Variants in KCND3 observed in about 807,000 individuals in gnomAD.
KCND3 encodes the protein A-type voltage-gated potassium channel KCND3.
A neutral mutation model predicts 51.1 loss-of-function variants in KCND3; 9 were observed. The observed-to-expected ratio is 0.18, with a 90% confidence interval of 0.11 to 0.31. The LOEUF is 0.31. KCND3 is among the 10% of genes least tolerant of loss of function. The pLI is 1.00. For synonymous variants in KCND3, 349 were observed against 368.0 expected, an observed-to-expected ratio of 0.95 and a Z score of 0.59; for missense variants, 526 against 903.8, an observed-to-expected ratio of 0.58 and a Z score of 5.36.
At chr1:111,904,343 C>G (rs1161453293) in intron 2 of KCND3, among the ~76,000 whole-genome samples, 1 of 152,124 alleles carries the variant, frequency 6.6e-6, no homozygotes, top group Non-Finnish European at 1.5e-5. Flanking sequence ...TCCACTGTCC[C>G]CAAGGCCTAT....
At position 111,982,833 on chromosome 1, in the gene KCND3, G is replaced by A. The variant is rs1675041502; in HGVS notation, c.-72-35C>T. ...AGGAGGGGAGAGAGAGAAGCGGTGA[G>A]TCCATATCGACTGGCAGGTAAGAAA... On this transcript the variant is annotated intron_variant, in intron 1 of 7. Coordinates refer to ENST00000302127, the MANE Select transcript of KCND3 (RefSeq NM_001378969.1). The surrounding 1 kb of genome is among the most constrained non-coding windows in gnomAD (Gnocchi z 8.5). 2.8e-6 allele frequency: 4 copies of A among 1,452,008 alleles called. No homozygotes were observed. The highest frequency in any genetic ancestry group is 3.7e-6 in the Non-Finnish European group (4 of 1,073,600). The allele number at this position is 1,452,008 out of a possible 1,614,324, so 89.9% of individuals were successfully genotyped here.
chr1:111,869,343 C>T (rs972709641), intron 2 of KCND3, among the ~76,000 whole-genome samples: 1 of 152,160 alleles, frequency 6.6e-6, no homozygotes, highest in East Asian at 1.9e-4. Context: ...TAGATATGAG[C>T]TTCCTCCTCA....
At chr1:111,849,216 C>T (rs1400461353) in intron 2 of KCND3, among the ~76,000 whole-genome samples, 1 of 152,206 alleles carries the variant, frequency 6.6e-6, no homozygotes, top group Non-Finnish European at 1.5e-5. Flanking sequence ...TACAATACCA[C>T]CAAAAACTCC....
chr1:111,886,780 A>G (rs1669589660), intron 2 of KCND3, among the ~76,000 whole-genome samples: 1 of 152,258 alleles, frequency 6.6e-6, no homozygotes, highest in Non-Finnish European at 1.5e-5. Context: ...ACAGAGGTTA[A>G]GCAAACATGC....
chr1:111,841,917 T>C (rs1667337136), intron 2 of KCND3, among the ~76,000 whole-genome samples: 1 of 152,240 alleles, frequency 6.6e-6, no homozygotes, highest in Non-Finnish European at 1.5e-5. Context: ...CAAGCGGCCC[T>C]GGGAGTACAG....
chr1:111,847,946 T>C (rs758370774), intron 2 of KCND3, among the ~76,000 whole-genome samples: 2 of 152,194 alleles, frequency 1.3e-5, no homozygotes, highest in African/African-American at 2.4e-5. Flanking sequence ...TGAGCTCCCA[T>C]GACAGCACCT....
intron 2 of KCND3, among the ~76,000 whole-genome samples, chr1:111,854,421 C>T (rs1022489281): frequency 2.0e-5 from 3 of 152,116 alleles, no homozygotes; most frequent in African/African-American, 7.2e-5. Context: ...TGGGCTACGA[C>T]CATCTCTTCT....
At chr1:111,808,819 T>C (rs1571671805) in intron 2 of KCND3, among the ~76,000 whole-genome samples, 1 of 152,362 alleles carries the variant, frequency 6.6e-6, no homozygotes, top group South Asian at 2.1e-4. Flanking sequence ...TAAATACTTG[T>C]GCTCTGCAGC....
chr1:111,853,155 G>A (rs1373525994), intron 2 of KCND3, among the ~76,000 whole-genome samples: 1 of 152,240 alleles, frequency 6.6e-6, no homozygotes, highest in African/African-American at 2.4e-5. Flanking sequence ...AGGCTGTGCA[G>A]ACAGGGTGAG....
chr1:111,871,837 A>C (rs761680796), intron 2 of KCND3, among the ~76,000 whole-genome samples: 2 of 152,180 alleles, frequency 1.3e-5, no homozygotes, highest in Non-Finnish European at 2.9e-5. Flanking sequence ...GGAAGACAGC[A>C]GGAGGAGAGA....
chr1:111,803,602 T>C (rs1019039852), intron 2 of KCND3, among the ~76,000 whole-genome samples: 4 of 152,182 alleles, frequency 2.6e-5, no homozygotes, highest in African/African-American at 9.7e-5. Flanking sequence ...AGGTCGGAGA[T>C]GGTGCTCCAT....
At chr1:111,847,889 T>C (rs1479638303) in intron 2 of KCND3, among the ~76,000 whole-genome samples, 1 of 152,116 alleles carries the variant, frequency 6.6e-6, no homozygotes, top group African/African-American at 2.4e-5. Context: ...GTCACATCAT[T>C]TGCCCCAGGT....
At chr1:111,839,019 G>A (rs962721652) in intron 2 of KCND3, among the ~76,000 whole-genome samples, 1 of 152,162 alleles carries the variant, frequency 6.6e-6, no homozygotes, top group African/African-American at 2.4e-5. Context: ...GTGAGCCCCT[G>A]CTGGCTCCTG....
intron 2 of KCND3, among the ~76,000 whole-genome samples, chr1:111,932,758 G>A (rs1672039699): frequency 6.6e-6 from 1 of 152,198 alleles, no homozygotes; most frequent in Admixed American, 6.5e-5. Flanking sequence ...AGCTGGCCCT[G>A]CAGGAAGTCC....
chr1:111,972,095 T>C (rs1674357415), intron 2 of KCND3, among the ~76,000 whole-genome samples: 1 of 151,914 alleles, frequency 6.6e-6, no homozygotes, highest in African/African-American at 2.4e-5. Flanking sequence ...CTTAGCCTAA[T>C]ATTTTAGGCT....
chr1:111,790,480 C>CT (rs796668133), intron 2 of KCND3, among the ~76,000 whole-genome samples: 4 of 152,292 alleles, frequency 2.6e-5, no homozygotes, highest in African/African-American at 9.6e-5. Flanking sequence ...CCAATGCCCA[C>CT]TTGCCACAGC....
intron 2 of KCND3, among the ~76,000 whole-genome samples, chr1:111,969,686 C>T (rs1674215816): frequency 6.6e-6 from 1 of 152,194 alleles, no homozygotes; most frequent in South Asian, 2.1e-4. Context: ...TAATGACAGT[C>T]ATCTCACATG....
intron 2 of KCND3, among the ~76,000 whole-genome samples, chr1:111,861,481 A>G (rs569216231): frequency 2.3e-4 from 35 of 152,310 alleles, no homozygotes; most frequent in African/African-American, 7.7e-4. Flanking sequence ...AAATCACTTT[A>G]AAAGGCTTTT....
In KCND3 at chr1:111,895,885, C is replaced by T. The variant is rs951170887; in HGVS notation, c.1106+85736G>A. Reference sequence around the variant, plus strand: ...ATGACGAGTCCTGTATCTGGGGCCACATCAAGTGTGGAAAAGGATTTCTTC... The same window carrying T: ...ATGACGAGTCCTGTATCTGGGGCCATATCAAGTGTGGAAAAGGATTTCTTC... On this transcript the variant is annotated intron_variant, in intron 2 of 7. Coordinates refer to ENST00000302127, the MANE Select transcript of KCND3 (RefSeq NM_001378969.1). 3.9e-5 allele frequency among the ~76,000 whole-genome samples: 6 copies of T among 152,224 alleles called. No homozygotes were observed. The East Asian group carries it at 1.2e-3, about 29-fold the overall frequency.
Sources: allele counts gnomAD v4.1 joint callset (sites outside exome capture counted in the v4.1 genomes callset), GRCh38; gene constraint gnomAD v4.1.1; non-coding constraint Gnocchi (gnomAD v3.1); transcripts MANE v1.5; gene names NCBI Gene and HGNC (gene_info 2026-07-23, HGNC 2026-07-21).